Variants in ZNF423 observed in about 807,000 individuals in gnomAD.
ZNF423 encodes the protein zinc finger protein 423.
Under a neutral mutation model 95.8 loss-of-function variants are expected in ZNF423, and 12 were observed. That is an observed-to-expected ratio of 0.13 (90% CI 0.08 to 0.20). The LOEUF (loss-of-function observed/expected upper bound fraction) is 0.20. Ranked by LOEUF, ZNF423 falls within the 10% of genes least tolerant of loss-of-function variation. The pLI is 1.00. For synonymous variants in ZNF423, 749 were observed against 711.9 expected (o/e 1.05, Z -0.83); for missense variants, 1,316 against 1,737.1 (o/e 0.76, Z 4.31).
intron 5 of ZNF423, among the ~76,000 whole-genome samples, chr16:49,537,874 C>T (rs1216756668): frequency 6.6e-6 from 1 of 152,186 alleles, no homozygotes; most frequent in Non-Finnish European, 1.5e-5. Context: ...AGAGCTGAGC[C>T]CTCCCATACC....
chr16:49,571,046 C>T (rs895507368), intron 5 of ZNF423, among the ~76,000 whole-genome samples: 5 of 152,216 alleles, frequency 3.3e-5, no homozygotes, highest in Non-Finnish European at 5.9e-5. Flanking sequence ...TGGAGAAGGC[C>T]TAACTGGAAG....
intron 4 of ZNF423, among the ~76,000 whole-genome samples, chr16:49,626,660 C>T (rs1972283047): frequency 6.6e-6 from 1 of 151,432 alleles, no homozygotes; most frequent in Non-Finnish European, 1.5e-5. Flanking sequence ...CATTTACATA[C>T]ACACCCATCC....
intron 3 of ZNF423, among the ~76,000 whole-genome samples, chr16:49,693,430 T>G (rs1051183729): frequency 6.6e-6 from 1 of 152,184 alleles, no homozygotes; most frequent in Non-Finnish European, 1.5e-5. Flanking sequence ...TCCTGTCTTA[T>G]GCGTGAATAA....
chr16:49,512,719 T>G (rs961814452), intron 7 of ZNF423, among the ~76,000 whole-genome samples: 1 of 152,358 alleles, frequency 6.6e-6, no homozygotes, highest in East Asian at 1.9e-4. Flanking sequence ...GAACTCCATC[T>G]TCACAACAAC....
At chr16:49,838,035 AC>A (rs2144082093) in intron 1 of ZNF423, among the ~76,000 whole-genome samples, 1 of 152,360 alleles carries the variant, frequency 6.6e-6, no homozygotes, top group South Asian at 2.1e-4. Flanking sequence ...TTGGCCCATC[AC>A]AAACTCAGAA....
chr16:49,691,926 C>T (rs1161678548), intron 3 of ZNF423, among the ~76,000 whole-genome samples: 1 of 151,934 alleles, frequency 6.6e-6, no homozygotes, highest in Non-Finnish European at 1.5e-5. Context: ...TGCCCCATTT[C>T]TTTTCTTATT....
chr16:49,607,663 A>C (rs1971582530), intron 5 of ZNF423, among the ~76,000 whole-genome samples: 1 of 152,254 alleles, frequency 6.6e-6, no homozygotes, highest in South Asian at 2.1e-4. Context: ...TAATTAATTC[A>C]CACATTCAAC....
chr16:49,543,964 C>T (rs1312600642), intron 5 of ZNF423, among the ~76,000 whole-genome samples: 1 of 152,228 alleles, frequency 6.6e-6, no homozygotes, highest in Non-Finnish European at 1.5e-5. Context: ...CTATAAAGCA[C>T]TGAGTAGAGT....
chr16:49,505,710 G>T (rs1329087473), intron 7 of ZNF423, among the ~76,000 whole-genome samples: 13 of 152,210 alleles, frequency 8.5e-5, no homozygotes, highest in Admixed American at 8.5e-4. Flanking sequence ...TCCAGAGAGG[G>T]GGTCCAACCT....
intron 2 of ZNF423, among the ~76,000 whole-genome samples, chr16:49,735,322 C>T (rs1308483728): frequency 6.6e-6 from 1 of 152,192 alleles, no homozygotes; most frequent in Non-Finnish European, 1.5e-5. Flanking sequence ...GAAGTTGGGG[C>T]CCCATTACTC....
At chr16:49,776,437 C>G (rs896050937) in intron 2 of ZNF423, among the ~76,000 whole-genome samples, 2 of 152,186 alleles carry the variant, frequency 1.3e-5, no homozygotes, top group Non-Finnish European at 2.9e-5. Context: ...TGCTCCGAGG[C>G]CACCCGGGGA....
In ZNF423 at chr16:49,855,112, C is replaced by T. The variant is rs1197113370; in HGVS notation, c.40+623G>A. 2.2e-6 allele frequency: 2 copies of T among 923,890 alleles called. No homozygotes were observed. Among genetic ancestry groups the T allele is most frequent in the Non-Finnish European group, 2.6e-6 (2 of 775,026 alleles). 57.2% of individuals were successfully genotyped at this position (923,890 alleles called of 1,614,324 possible). ...GGAGGAGGCAGGAAGTGCAGGGGCC[C>T]GGGCCGGGAGAAGGCCTGGGCAGGG... On this transcript the variant is annotated intron_variant, in intron 1 of 7. Coordinates refer to ENST00000563137, the MANE Select transcript of ZNF423 (RefSeq NM_001379286.1). This position sits in a 1 kb window ranked among gnomAD's most constrained non-coding sequence, Gnocchi z 4.7.
intron 5 of ZNF423, among the ~76,000 whole-genome samples, chr16:49,609,693 C>A (rs1186263698): frequency 6.6e-6 from 1 of 151,626 alleles, no homozygotes; most frequent in Non-Finnish European, 1.5e-5. Context: ...TTTCAGGGGC[C>A]AGTGGGACTA....
At chr16:49,755,285 G>A (rs1383979375) in intron 2 of ZNF423, among the ~76,000 whole-genome samples, 6 of 152,124 alleles carry the variant, frequency 3.9e-5, no homozygotes, top group Non-Finnish European at 7.4e-5. Context: ...TTCCTCCCTC[G>A]GTCATTAACC....
At chr16:49,518,792 C>T (rs988296694) in intron 7 of ZNF423, among the ~76,000 whole-genome samples, 2 of 152,214 alleles carry the variant, frequency 1.3e-5, no homozygotes, top group Admixed American at 6.5e-5. Context: ...CAGTGGCTCA[C>T]GCCTGTAATC....
At chr16:49,664,251 AC>A (rs2030412409) in intron 3 of ZNF423, 1 of 985,322 alleles carries the variant, frequency 1.0e-6, no homozygotes, top group Non-Finnish European at 1.2e-6. Flanking sequence ...ACGCATCCCC[AC>A]CCGGCCGCCT....
chr16:49,496,615 C>T (rs1481783547), intron 7 of ZNF423, among the ~76,000 whole-genome samples: 1 of 152,174 alleles, frequency 6.6e-6, no homozygotes, highest in African/African-American at 2.4e-5. Context: ...TCATAAATTA[C>T]CCAGCCTCAA....
chr16:49,704,854 C>A (rs1199083697), intron 3 of ZNF423, among the ~76,000 whole-genome samples: 1 of 152,196 alleles, frequency 6.6e-6, no homozygotes, highest in Non-Finnish European at 1.5e-5. Context: ...CTCCAAGGGA[C>A]CTCCACTTCC....
chr16:49,560,786 C>T (rs531752568), intron 5 of ZNF423, among the ~76,000 whole-genome samples: 10 of 152,306 alleles, frequency 6.6e-5, no homozygotes, highest in South Asian at 4.1e-4. Flanking sequence ...GCGAGTCGGC[C>T]GAGTACGCTG....
Sources: allele counts gnomAD v4.1 joint callset (sites outside exome capture counted in the v4.1 genomes callset), GRCh38; gene constraint gnomAD v4.1.1; non-coding constraint Gnocchi (gnomAD v3.1); transcripts MANE v1.5; gene names NCBI Gene and HGNC (gene_info 2026-07-23, HGNC 2026-07-21).